Variants in ATXN7L2 observed in about 807,000 individuals in gnomAD.
ATXN7L2 encodes the protein ataxin 7 like 2.
A neutral mutation model predicts 59.6 loss-of-function variants in ATXN7L2; 17 were observed. The ratio of observed to expected loss-of-function variants is 0.29; its 90% confidence interval spans 0.20 to 0.43. The LOEUF is 0.43. Ranked by LOEUF, ATXN7L2 falls within the 20% of genes least tolerant of loss-of-function variation. The probability of loss-of-function intolerance (pLI) is 1.00; values close to 1 mark genes in which losing one functional copy is unlikely to be tolerated. For synonymous variants in ATXN7L2, 378 were observed against 392.5 expected (o/e 0.96, Z 0.44); for missense variants, 858 against 1,008.9 (o/e 0.85, Z 2.03).
chr1:109,490,739 T>A (rs554919154), intron 9 of ATXN7L2, among the ~76,000 whole-genome samples, 183 bp from the exon 10 acceptor site: 40 of 152,106 alleles, frequency 2.6e-4, no homozygotes, highest in Non-Finnish European at 5.1e-4. Flanking sequence ...AGCTAATTCC[T>A]CTCCACAGGC....
Position 109,486,155 on chromosome 1 carries a change from A to G in ATXN7L2, c.193+33A>G. 1.3e-6 allele frequency: 2 copies of G among 1,538,686 alleles called. No individual in the cohort carries two copies. Among genetic ancestry groups the G allele is most frequent in the African/African-American group, 1.4e-5 (1 of 72,158 alleles). On this transcript the variant is annotated intron_variant, in intron 2 of 10. Coordinates refer to ENST00000683729, the MANE Select transcript of ATXN7L2 (RefSeq NM_001350175.2). The surrounding 1 kb of genome is among the most constrained non-coding windows in gnomAD (Gnocchi z 4.3). ...TCGACACACATTAGGGCTGGGACCCAGGGCAGACAGGACCACGCTCCACTT... is the reference window on the plus strand; with the variant it reads ...TCGACACACATTAGGGCTGGGACCCGGGGCAGACAGGACCACGCTCCACTT...
At chr1:109,489,740 A>G (rs2101034101) in intron 7 of ATXN7L2, 190 bp from the exon 8 acceptor site, 1 of 634,364 alleles carries the variant, frequency 1.6e-6, no homozygotes, top group South Asian at 1.9e-5. Context: ...CCTTGGGAGC[A>G]GTCTCTCTGT....
chr1:109,490,616 C>T (rs966491797), intron 9 of ATXN7L2, among the ~76,000 whole-genome samples: 2 of 152,156 alleles, frequency 1.3e-5, no homozygotes, highest in African/African-American at 4.8e-5. Flanking sequence ...GGGGGTGAAT[C>T]TAGACTTTCA....
chr1:109,489,802 C>A, intron 7 of ATXN7L2, 128 bp from the exon 8 acceptor site: 1 of 915,800 alleles, frequency 1.1e-6, no homozygotes, highest in Non-Finnish European at 1.7e-6. Context: ...TTCCCTCTGT[C>A]CTCTTCTGAT....
chr1:109,490,494 G>A, intron 9 of ATXN7L2, 102 bp downstream of exon 9: 1 of 1,472,580 alleles, frequency 6.8e-7, no homozygotes, highest in South Asian at 1.3e-5. Flanking sequence ...ATACCCATAG[G>A]TGTGCCTTGG....
At position 109,488,297 on chromosome 1, in the gene ATXN7L2, C is replaced by T. The variant is rs1656743732; in HGVS notation, c.797-86C>T. 6 of 1,308,624 alleles carry T rather than the reference C, an allele frequency of 4.6e-6. No homozygotes were observed. Among genetic ancestry groups the T allele is most frequent in the Admixed American group, 3.9e-5 (2 of 50,688 alleles). The allele number at this position is 1,308,624 out of a possible 1,614,324, so 81.1% of individuals were successfully genotyped here. A position where few individuals can be genotyped will look rare whatever the true frequency, so the allele number is the denominator to read the frequency against. ...AGTCTCTTCTGCCTTAGTACCAGTT[C>T]TCAGGCCCTTGGCAGGAAGCGGCCA... On this transcript the variant is annotated intron_variant, in intron 5 of 10. Coordinates refer to ENST00000683729, the MANE Select transcript of ATXN7L2 (RefSeq NM_001350175.2). This position sits in a 1 kb window ranked among gnomAD's most constrained non-coding sequence, Gnocchi z 5.0.
rs761196507 is a variant in ATXN7L2, at chr1:109,490,042, G to A, written c.1246G>A (p.Glu416Lys). ...MPRGGTQASS[E>K]ESEEEGTSDD... ...CCGGGGTGGGACCCAGGCCTCCAGC[G>A]AAGAGAGTGAGGAGGAGGGGACATC... Residue 416 changes from glutamate (E) to lysine (K), a missense_variant, in exon 8 of 11, where the codon GAA becomes AAA. This residue lies in a region of ATXN7L2 where 734 missense variants were observed against 862.3 expected (regional missense o/e 0.85). Transcript: ENST00000683729. 5 of 1,611,718 alleles carry A rather than the reference G, an allele frequency of 3.1e-6. No individual in the cohort carries two copies. The African/African-American group carries it at 5.4e-5, about 17-fold the overall frequency.
Position 109,490,068 on chromosome 1 carries a change from TGAC to T in ATXN7L2, c.1276_1278del (p.Asp426del). Reference sequence around the variant, plus strand: ...AAGAGAGTGAGGAGGAGGGGACATCTGACGACCTCCACCCACCCCCTGACTGCC... The same window carrying T: ...AAGAGAGTGAGGAGGAGGGGACATCTGACCTCCACCCACCCCCTGACTGCC... On this transcript the variant is annotated inframe_deletion, in exon 8 of 11. Coordinates refer to ENST00000683729, the MANE Select transcript of ATXN7L2 (RefSeq NM_001350175.2). 1 of 1,604,366 alleles carries T rather than the reference TGAC, an allele frequency of 6.2e-7. No homozygotes were observed. The highest frequency in any genetic ancestry group is 8.5e-7 in the Non-Finnish European group (1 of 1,174,778).
In ATXN7L2 at chr1:109,487,791, C is replaced by T. The variant is rs773629792; in HGVS notation, c.783C>T (p.His261=). The T allele has an allele frequency of 1.3e-6, 2 of 1,596,778 alleles. No individual in the cohort carries two copies. Among genetic ancestry groups the T allele is most frequent in the Non-Finnish European group, 1.7e-6 (2 of 1,172,896 alleles). ...PSGTRLPPKT[H]RKMARKECDL... ...GGACCAGGCTGCCCCCTAAAACCCA[C>T]CGGAAGATGGCTCGTGAGTAGTTGT... The change falls in exon 5 of 11, where the codon CAC becomes CAT. Residue 261 remains histidine, a synonymous_variant. Transcript: ENST00000683729.
rs1391310164 is a variant in ATXN7L2 at position 109,491,635 on chromosome 1, C to T, written c.2168C>T (p.Ala723Val). The change falls in exon 10 of 11, where the codon GCC becomes GTC. Residue 723 changes from alanine to valine, a missense_variant. Ala to Val is a moderately conservative substitution (Grantham distance 64). Coordinates refer to ENST00000683729, the MANE Select transcript of ATXN7L2 (RefSeq NM_001350175.2). This position sits in a 1 kb window ranked among gnomAD's most constrained non-coding sequence, Gnocchi z 4.1. ...AAGGCCAAGCACTGTCAGGCTGGTG[C>T]CCCTGCTGATGTGGCCTGCTCTGTG... ...PVKAKHCQAGAPADVACSVRR... is the reference protein window; with the variant it reads ...PVKAKHCQAGVPADVACSVRR... 6.2e-7 allele frequency: 1 copy of T among 1,613,218 alleles called. No individual in the cohort carries two copies.
Position 109,483,936 on chromosome 1 carries a change from C to A in ATXN7L2, c.-18C>A. The A allele has an allele frequency of 8.3e-7, 1 of 1,202,114 alleles. No individual in the cohort carries two copies. The allele number at this position is 1,202,114 out of a possible 1,614,324, so 74.5% of individuals were successfully genotyped here. On this transcript the variant is annotated 5_prime_UTR_variant, in exon 1 of 11. Transcript: ENST00000683729. ...CGCGCGGCGGCGGCGCCAGGGCGGG[C>A]GCGCGTCCGCGGCGGTGATGGCGGT...
chr1:109,491,835 G>A lies in ATXN7L2; in HGVS notation c.2250+118G>A, dbSNP rs979198521. 11 of 1,307,342 alleles carry A rather than the reference G, an allele frequency of 8.4e-6. No homozygotes were observed. The highest frequency in any genetic ancestry group is 2.5e-5 in the East Asian group (1 of 39,256). 81.0% of individuals were successfully genotyped at this position (1,307,342 alleles called of 1,614,324 possible). ...AAGGGAGGAAGGGGAAGTTGAGAGA[G>A]TTCCTGGACTGTTTTCTTTAGGAAG... On this transcript the variant is annotated intron_variant, in intron 10 of 10. Coordinates refer to ENST00000683729, the MANE Select transcript of ATXN7L2 (RefSeq NM_001350175.2). The surrounding 1 kb of genome is among the most constrained non-coding windows in gnomAD (Gnocchi z 4.1).
Position 109,485,058 on chromosome 1 carries a change from A to G in ATXN7L2, c.127+978A>G, listed in dbSNP as rs557649647. ...CAATCTTCTCATCCTAGAAAGGAGC[A>G]TATCTGTTAATGGGCATCAGAGAGC... On this transcript the variant is annotated intron_variant, in intron 1 of 10. Coordinates refer to ENST00000683729, the MANE Select transcript of ATXN7L2 (RefSeq NM_001350175.2). Among the ~76,000 whole-genome samples, 3 of 152,240 alleles carry G rather than the reference A, an allele frequency of 2.0e-5. No individual in the cohort carries two copies. In the South Asian group the frequency reaches 6.2e-4, roughly 32 times the overall value.
chr1:109,489,349 C>T (rs912278465), intron 7 of ATXN7L2: 2 of 543,868 alleles, frequency 3.7e-6, no homozygotes, highest in Non-Finnish European at 6.4e-6. Context: ...GAACATTTTC[C>T]CAGCTGCCTC....
chr1:109,484,153 T>A, intron 1 of ATXN7L2, 73 bp downstream of exon 1: 1 of 1,205,602 alleles, frequency 8.3e-7, no homozygotes, highest in Non-Finnish European at 1.0e-6. Context: ...CCCCGCCAGC[T>A]GAGGGGAGCC....
At position 109,488,923 on chromosome 1, in the gene ATXN7L2, C is replaced by T. The variant is rs753760117; in HGVS notation, c.956C>T (p.Ala319Val). Residue 319 changes from alanine to valine, a missense_variant, in exon 7 of 11, where the codon GCC becomes GTC. Ala to Val is a moderately conservative substitution (Grantham distance 64). Transcript: ENST00000683729. This position sits in a 1 kb window ranked among gnomAD's most constrained non-coding sequence, Gnocchi z 5.0. ...DFDVLVAELK[A>V]NSRKGESPKE... is the part of the protein sequence containing the mutation. ...GACGTGCTGGTGGCAGAGCTGAAGG[C>T]CAACTCCCGCAAAGGGGAGTCTCCC... is the stretch of plus-strand genomic sequence containing the variant. The T allele has an allele frequency of 6.2e-7, 1 of 1,614,126 alleles. No homozygotes were observed. Among genetic ancestry groups the T allele is most frequent in the Non-Finnish European group, 8.5e-7 (1 of 1,180,020 alleles).
chr1:109,491,199 A>G lies in ATXN7L2; in HGVS notation c.1732A>G (p.Ser578Gly), dbSNP rs759026886. The stretch of plus-strand genomic sequence containing the variant: ...TGCCAACACGCCATCCCCGTCCTTC[A>G]GCAAGCTGCCGCCTTCCAAGGCCAG... Reference protein sequence around the residue: ...LPANTPSPSFSKLPPSKASKS... With the variant: ...LPANTPSPSFGKLPPSKASKS... The change falls in exon 10 of 11, where the codon AGC becomes GGC. Residue 578 changes from serine to glycine, a missense_variant. By Grantham distance (56) the Ser-to-Gly change is moderately conservative. Transcript: ENST00000683729. The surrounding 1 kb of genome is among the most constrained non-coding windows in gnomAD (Gnocchi z 4.1). The G allele has an allele frequency of 6.2e-7, 1 of 1,614,100 alleles. No individual in the cohort carries two copies. The highest frequency in any genetic ancestry group is 8.5e-7 in the Non-Finnish European group (1 of 1,180,036).
intron 7 of ATXN7L2, chr1:109,489,523 C>T (rs1055786453): frequency 3.3e-5 from 11 of 331,472 alleles, no homozygotes; most frequent in Non-Finnish European, 5.6e-5. Context: ...CTGCCTGTCA[C>T]ACAAGGGGCA....
In ATXN7L2 at chr1:109,488,203, C is replaced by CA. The variant is rs1656737628; in HGVS notation, c.797-179dup. 6.6e-6 allele frequency among the ~76,000 whole-genome samples: 1 copy of CA among 152,232 alleles called. No homozygotes were observed. Among genetic ancestry groups the CA allele is most frequent in the Non-Finnish European group, 1.5e-5 (1 of 68,040 alleles). ...CTGAAATTGGGATAGGGATGGTTCT[C>CA]ACACCCAGCAAGGAGATGTTGATGC... On this transcript the variant is annotated intron_variant, in intron 5 of 10. Coordinates refer to ENST00000683729, the MANE Select transcript of ATXN7L2 (RefSeq NM_001350175.2). The surrounding 1 kb of genome is among the most constrained non-coding windows in gnomAD (Gnocchi z 5.0).
Sources: gnomAD v4.1 joint callset for allele counts (sites outside exome capture counted in the v4.1 genomes callset) on GRCh38, gnomAD v4.1.1 for gene constraint, gnomAD v4.1.1 regional missense constraint, Gnocchi (gnomAD v3.1) non-coding constraint, MANE v1.5 for transcripts, NCBI Gene and HGNC (gene_info 2026-07-23, HGNC 2026-07-21) for gene names.